The following SYK variants were observed in gnomAD, a reference collection of about 807,000 sequenced individuals.
The protein encoded by SYK is tyrosine-protein kinase SYK.
SYK carries 16 observed loss-of-function variants against 77.8 expected under a neutral mutation model. That is an observed-to-expected ratio of 0.21 (90% CI 0.14 to 0.31). The LOEUF (loss-of-function observed/expected upper bound fraction) is 0.31, where lower values mean the gene tolerates loss of function less well. Ranked by LOEUF, SYK falls within the 10% of genes least tolerant of loss-of-function variation. The pLI is 1.00. For missense variants in SYK, 529 were observed against 814.4 expected, an observed-to-expected ratio of 0.65 and a Z score of 4.26; for synonymous variants, 312 against 308.7, an observed-to-expected ratio of 1.01 and a Z score of -0.11.
chr9:90,886,989 G>A (rs1239670826), intron 11 of SYK, among the ~76,000 whole-genome samples: 1 of 152,176 alleles, frequency 6.6e-6, no homozygotes, highest in Non-Finnish European at 1.5e-5. Context: ...AAATGAAGAG[G>A]CTAAAGTGAA....
chr9:90,811,216 GA>G (rs1224392551), intron 1 of SYK, among the ~76,000 whole-genome samples: 1 of 151,676 alleles, frequency 6.6e-6, no homozygotes, highest in Non-Finnish European at 1.5e-5. Context: ...ACAAATAAGT[GA>G]AAAAAATGGT....
intron 3 of SYK, among the ~76,000 whole-genome samples, chr9:90,860,794 G>A (rs898696858): frequency 6.6e-6 from 1 of 152,138 alleles, no homozygotes; most frequent in African/African-American, 2.4e-5. Context: ...AGGAAAGCAT[G>A]GCCATGTCCA....
At chr9:90,859,213 C>T (rs1564100295) in intron 3 of SYK, among the ~76,000 whole-genome samples, 1 of 152,244 alleles carries the variant, frequency 6.6e-6, no homozygotes, top group East Asian at 1.9e-4. Flanking sequence ...CCCTCACACA[C>T]TCATACCCAT....
At chr9:90,863,557 T>C (rs925855378) in intron 4 of SYK, among the ~76,000 whole-genome samples, 6 of 152,212 alleles carry the variant, frequency 3.9e-5, no homozygotes, top group African/African-American at 1.4e-4. Context: ...TATTAAAAAA[T>C]GTTAGTCACA....
chr9:90,841,716 G>C (rs1023238040), intron 1 of SYK, among the ~76,000 whole-genome samples: 2 of 151,032 alleles, frequency 1.3e-5, no homozygotes, highest in African/African-American at 4.9e-5. Flanking sequence ...GATGTGTGTA[G>C]TGTGTACTGT....
chr9:90,835,422 A>G (rs1287248097), intron 1 of SYK, among the ~76,000 whole-genome samples: 2 of 152,190 alleles, frequency 1.3e-5, no homozygotes, highest in Non-Finnish European at 2.9e-5. Context: ...AGCTTGGGTG[A>G]TATGAAATTG....
chr9:90,836,180 GGGA>G (rs1826077041), intron 1 of SYK, among the ~76,000 whole-genome samples: 1 of 151,944 alleles, frequency 6.6e-6, no homozygotes, highest in Non-Finnish European at 1.5e-5. Context: ...CCAGCTACTT[GGGA>G]GGCTGAGGCA....
chr9:90,877,674 A>T lies in SYK; in HGVS notation c.1285A>T (p.Asn429Tyr), dbSNP rs1281095615. The T allele has an allele frequency of 6.2e-7, 1 of 1,614,268 alleles. No individual in the cohort carries two copies. The highest frequency in any genetic ancestry group is 1.1e-5 in the South Asian group (1 of 91,090). ...AGCAAATGTCATGCAGCAGCTGGAC[A>T]ACCCGTACATCGTGCGGATGATCGG... ...AEANVMQQLD[N>Y]PYIVRMIGIC... Residue 429 changes from asparagine to tyrosine, a missense_variant, in exon 10 of 14, where the codon AAC (asparagine) becomes TAC (tyrosine). This residue lies in a region of SYK where 208 missense variants were observed against 381.3 expected (regional missense o/e 0.55). Coordinates refer to ENST00000375754, the MANE Select transcript of SYK (RefSeq NM_003177.7).
chr9:90,884,189 A>ACG (rs1472407016), intron 11 of SYK, among the ~76,000 whole-genome samples: 36 of 129,880 alleles, frequency 2.8e-4, no homozygotes, highest in African/African-American at 9.1e-4. Flanking sequence ...GTATATATAC[A>ACG]CACATACACA....
chr9:90,825,552 A>T (rs1825642685), intron 1 of SYK, among the ~76,000 whole-genome samples: 1 of 152,246 alleles, frequency 6.6e-6, no homozygotes, highest in South Asian at 2.1e-4. Flanking sequence ...AGTAAAGGTA[A>T]ATTAAGTCAA....
rs575097561 is a variant in SYK at position 90,803,939 on chromosome 9, A to G, written c.-42+2046A>G. Among the ~76,000 whole-genome samples the G allele has an allele frequency of 7.9e-5, 12 of 152,212 alleles. 1 individual carries two copies. Among genetic ancestry groups the G allele is most frequent in the Admixed American group, 7.9e-4 (12 of 15,280 alleles). On this transcript the variant is annotated intron_variant, in intron 1 of 13. Transcript: ENST00000375754. ...GAACATGAATATTCTCACTAAGTGG[A>G]ATAAATAAAGACTATAAAGAGCTGT...
rs34124057 is a variant in SYK at position 90,827,032 on chromosome 9, C to G, written c.-41-16826C>G. ...CCATTAAGATCTTTTCAAGGATGCT[C>G]TTCCTATTTGGTTCAATCTTCTGGT... is the stretch of plus-strand genomic sequence containing the variant. On this transcript the variant is annotated intron_variant, in intron 1 of 13. Transcript: ENST00000375754. Among the ~76,000 whole-genome samples the G allele has an allele frequency of 4.3e-3, 652 of 152,144 alleles. 2 individuals carry two copies. The highest frequency in any genetic ancestry group is 5.7e-3 in the Non-Finnish European group (390 of 68,000).
rs867369654 is a variant in SYK at position 90,829,934 on chromosome 9, T to G, written c.-41-13924T>G. On this transcript the variant is annotated intron_variant, in intron 1 of 13. Transcript: ENST00000375754. Reference sequence around the variant, plus strand: ...ATGTCTATGTGTTGGTTGAGATAGATCAGCCTTTACTTGATGCACTTTCAA... The same window carrying G: ...ATGTCTATGTGTTGGTTGAGATAGAGCAGCCTTTACTTGATGCACTTTCAA... Among the ~76,000 whole-genome samples, 4 of 152,362 alleles carry G rather than the reference T, an allele frequency of 2.6e-5. 1 individual carries two copies. In the Middle Eastern group the frequency reaches 0.014, roughly 518 times the overall value.
intron 1 of SYK, among the ~76,000 whole-genome samples, chr9:90,808,106 C>T (rs1027956979): frequency 1.3e-5 from 2 of 152,042 alleles, no homozygotes; most frequent in African/African-American, 4.8e-5. Context: ...AATGAATGCA[C>T]TTTTTCTTTT....
intron 1 of SYK, among the ~76,000 whole-genome samples, chr9:90,837,975 C>T (rs1826151219): frequency 6.6e-6 from 1 of 152,140 alleles, no homozygotes; most frequent in African/African-American, 2.4e-5. Flanking sequence ...AGGGAAGACT[C>T]CTGAAAGCAG....
chr9:90,859,998 T>TC (rs1366682199), intron 3 of SYK, among the ~76,000 whole-genome samples: 1 of 152,164 alleles, frequency 6.6e-6, no homozygotes, highest in African/African-American at 2.4e-5. Flanking sequence ...TACTATCTTT[T>TC]TTTCTGGAGA....
intron 11 of SYK, among the ~76,000 whole-genome samples, chr9:90,887,408 T>TC (rs1278014174): frequency 6.8e-6 from 1 of 147,396 alleles, no homozygotes; most frequent in Non-Finnish European, 1.5e-5. Flanking sequence ...TTTCTTTCTT[T>TC]TTTTTTTTTT....
At chr9:90,869,179 T>C (rs1827630338) in intron 7 of SYK, among the ~76,000 whole-genome samples, 1 of 152,156 alleles carries the variant, frequency 6.6e-6, no homozygotes, top group East Asian at 1.9e-4. Flanking sequence ...CTTTTTAAAT[T>C]TGAACCTGTT....
rs188691417 is a variant in SYK, at chr9:90,823,316, A to C, written c.-41-20542A>C. Among the ~76,000 whole-genome samples, 11 of 152,328 alleles carry C rather than the reference A, an allele frequency of 7.2e-5. No homozygotes were observed. The East Asian group carries it at 2.1e-3, about 29-fold the overall frequency. ...GACAAATCCTGTCTTATAGTTAGAG[A>C]TTTTAATCTCTTTCTCACAAAAGTT... On this transcript the variant is annotated intron_variant, in intron 1 of 13. Transcript: ENST00000375754.
Sources: gnomAD v4.1 joint callset for allele counts (sites outside exome capture counted in the v4.1 genomes callset) on GRCh38, gnomAD v4.1.1 for gene constraint, gnomAD v4.1.1 regional missense constraint, MANE v1.5 for transcripts, NCBI Gene and HGNC (gene_info 2026-07-23, HGNC 2026-07-21) for gene names.